The following TRPV4 variants were observed in gnomAD, a reference collection of about 807,000 sequenced individuals.
TRPV4 encodes OSM9-like transient receptor potential channel 4.
A neutral mutation model predicts 84.1 loss-of-function variants in TRPV4; 58 were observed. That is an observed-to-expected ratio of 0.69 (90% CI 0.56 to 0.86). TRPV4 has a LOEUF of 0.86. Ranked by LOEUF, TRPV4 falls within the 40% of genes least tolerant of loss-of-function variation. The pLI, the probability that TRPV4 is intolerant of heterozygous loss-of-function variation, is 0.00. For missense variants in TRPV4, 879 were observed against 1,181.1 expected (o/e 0.74, Z 3.75); for synonymous variants, 489 against 500.9 (o/e 0.98, Z 0.32).
At chr12:109,795,688 A>T (rs890591130) in intron 7 of TRPV4, among the ~76,000 whole-genome samples, 5 of 152,234 alleles carry the variant, frequency 3.3e-5, no homozygotes, top group African/African-American at 7.2e-5. Flanking sequence ...TTAAAAGTAC[A>T]GAACGACGTT....
chr12:109,785,084 C>A (rs1412004458), intron 14 of TRPV4, among the ~76,000 whole-genome samples: 1 of 152,074 alleles, frequency 6.6e-6, no homozygotes, highest in African/African-American at 2.4e-5. Context: ...TGCAGTGGCA[C>A]GATCACAGCT....
In TRPV4 at chr12:109,814,262, T is replaced by C. The variant is rs1365148504; in HGVS notation, c.386+149A>G. ...ATATATGGATAGGGAGATGAATAGA[T>C]GGATGGATAGATGTATGGATGGTTG... On this transcript the variant is annotated intron_variant, in intron 2 of 15. Transcript: ENST00000261740. The surrounding 1 kb of genome is among the most constrained non-coding windows in gnomAD (Gnocchi z 5.4). The C allele has an allele frequency of 3.3e-6, 3 of 917,428 alleles. No homozygotes were observed. The highest frequency in any genetic ancestry group is 1.6e-5 in the African/African-American group (1 of 60,848). 56.8% of individuals were successfully genotyped at this position (917,428 alleles called of 1,614,324 possible). A position where few individuals can be genotyped will look rare whatever the true frequency, so the allele number is the denominator to read the frequency against.
chr12:109,808,228 G>A (rs1475650835), intron 3 of TRPV4, 68 bp downstream of exon 3: 3 of 1,583,692 alleles, frequency 1.9e-6, no homozygotes, highest in African/African-American at 1.3e-5. Flanking sequence ...GGGAAAGGGG[G>A]CCCCCAATGC....
At chr12:109,826,659 A>AC (rs34693585) in intron 1 of TRPV4, among the ~76,000 whole-genome samples, 63 of 152,134 alleles carry the variant, frequency 4.1e-4, no homozygotes, top group Non-Finnish European at 8.4e-4. Flanking sequence ...TCTCCCTAGG[A>AC]CCCCCCTTCT....
At position 109,796,728 on chromosome 12, in the gene TRPV4, AG is replaced by A; in HGVS notation, c.1153-25del. ...ATCTGCACAGGGGGCCAGGAGGGTC[AG>A]GGGGCTCACACTGGAAAGACCCCCA... On this transcript the variant is annotated intron_variant, in intron 6 of 15. Transcript: ENST00000261740. This position sits in a 1 kb window ranked among gnomAD's most constrained non-coding sequence, Gnocchi z 4.2. The A allele has an allele frequency of 2.5e-6, 4 of 1,597,128 alleles. No individual in the cohort carries two copies. Among genetic ancestry groups the A allele is most frequent in the Admixed American group, 1.7e-5 (1 of 59,498 alleles).
chr12:109,816,194 G>A (rs1326343311), intron 1 of TRPV4, among the ~76,000 whole-genome samples: 1 of 152,212 alleles, frequency 6.6e-6, no homozygotes, highest in African/African-American at 2.4e-5. Flanking sequence ...CACAGCAAGA[G>A]GCCTCCCTTA....
chr12:109,788,839 C>G, intron 12 of TRPV4, 123 bp from the exon 13 acceptor site: 3 of 1,115,240 alleles, frequency 2.7e-6, no homozygotes, highest in South Asian at 1.4e-5. Flanking sequence ...CTGGCCCACA[C>G]GCTGACCCAT....
At chr12:109,819,413 G>A (rs1892003861) in intron 1 of TRPV4, among the ~76,000 whole-genome samples, 1 of 152,182 alleles carries the variant, frequency 6.6e-6, no homozygotes, top group Non-Finnish European at 1.5e-5. Context: ...TCCCGCACGG[G>A]CTCACAATGC....
Position 109,800,276 on chromosome 12 carries a change from T to C in TRPV4, c.853+342A>G, listed in dbSNP as rs1890689060. ...TAAATGTTTAAAAGAGACAGGGTAT[T>C]GCTATGTTGCCTAGGCTGGTCTCAA... On this transcript the variant is annotated intron_variant, in intron 5 of 15. Coordinates refer to ENST00000261740, the MANE Select transcript of TRPV4 (RefSeq NM_021625.5). Among the ~76,000 whole-genome samples, 4 of 152,200 alleles carry C rather than the reference T, an allele frequency of 2.6e-5. No homozygotes were observed. In the South Asian group the frequency reaches 8.3e-4, roughly 32 times the overall value.
chr12:109,794,552 C>A, intron 7 of TRPV4, 65 bp from the exon 8 acceptor site: 1 of 1,570,856 alleles, frequency 6.4e-7, no homozygotes, highest in Non-Finnish European at 8.7e-7. Flanking sequence ...GGCAGGCTGC[C>A]TCGGGTGTGC....
intron 5 of TRPV4, among the ~76,000 whole-genome samples, chr12:109,800,013 G>C (rs1250347706): frequency 1.4e-4 from 21 of 152,006 alleles, no homozygotes; most frequent in Admixed American, 1.4e-3. Context: ...GGAAATCTCG[G>C]CTCATTGCAA....
chr12:109,799,007 G>C, intron 5 of TRPV4, 95 bp from the exon 6 acceptor site: 1 of 1,233,236 alleles, frequency 8.1e-7, no homozygotes, highest in Non-Finnish European at 1.1e-6. Flanking sequence ...GTGGCGCTCT[G>C]AGGATAATGA....
At chr12:109,823,393 T>A (rs1892164512) in intron 1 of TRPV4, among the ~76,000 whole-genome samples, 1 of 152,142 alleles carries the variant, frequency 6.6e-6, no homozygotes. Context: ...CATTTGGTCA[T>A]TCTGCAAGCC....
Position 109,796,673 on chromosome 12 carries a change from G to T in TRPV4, c.1184C>A (p.Thr395Lys). 6.2e-7 allele frequency: 1 copy of T among 1,613,536 alleles called. No homozygotes were observed. The highest frequency in any genetic ancestry group is 1.6e-4 in the Middle Eastern group (1 of 6,062). ...GGACAGGTGCCGTGTGTCCTCATCC[G>T]TCACCTCCCGCCGGATGATGTGCTG... ...IFQHIIRREV[T>K]DEDTRHLSRK... Residue 395 changes from threonine to lysine, a missense_variant, in exon 7 of 16, where the codon ACG (threonine) becomes AAG (lysine). Physicochemically the swap from Thr to Lys is moderately conservative, Grantham distance 78. Transcript: ENST00000261740. The surrounding 1 kb of genome is among the most constrained non-coding windows in gnomAD (Gnocchi z 4.2).
In TRPV4 at chr12:109,815,020, C is replaced by T; in HGVS notation, c.-31-193G>A. On this transcript the variant is annotated intron_variant, in intron 1 of 15. Transcript: ENST00000261740. The surrounding 1 kb of genome is among the most constrained non-coding windows in gnomAD (Gnocchi z 4.1). Reference sequence around the variant, plus strand: ...CAGGCGGGAACTGCAACAGGAGCCTCTTTCACGAACCTGGAAACACAAATT... The same window carrying T: ...CAGGCGGGAACTGCAACAGGAGCCTTTTTCACGAACCTGGAAACACAAATT... 6.7e-6 allele frequency: 4 copies of T among 599,980 alleles called. No homozygotes were observed. In the East Asian group the frequency reaches 1.1e-4, roughly 17 times the overall value. 37.2% of individuals were successfully genotyped at this position (599,980 alleles called of 1,614,324 possible).
At chr12:109,799,086 GC>G (rs1890613141) in intron 5 of TRPV4, among the ~76,000 whole-genome samples, 174 bp from the exon 6 acceptor site, 2 of 152,128 alleles carry the variant, frequency 1.3e-5, no homozygotes, top group African/African-American at 4.8e-5. Context: ...ATGGGGTGTG[GC>G]TAGTTAAGGG....
chr12:109,807,263 T>A (rs111776885), intron 3 of TRPV4, among the ~76,000 whole-genome samples: 2 of 138,778 alleles, frequency 1.4e-5, no homozygotes, highest in African/African-American at 5.5e-5. Context: ...GCAACAAGAA[T>A]GAAACTCTGT....
At chr12:109,817,284 G>T (rs763903493) in intron 1 of TRPV4, among the ~76,000 whole-genome samples, 6 of 152,106 alleles carry the variant, frequency 3.9e-5, no homozygotes, top group Non-Finnish European at 5.9e-5. Context: ...CCTCACTGGG[G>T]GCCCTGAGGT....
rs544368168 is a variant in TRPV4, at chr12:109,807,638, C to G, written c.559+658G>C. On this transcript the variant is annotated intron_variant, in intron 3 of 15. Coordinates refer to ENST00000261740, the MANE Select transcript of TRPV4 (RefSeq NM_021625.5). ...CCAGAACCCAGCACATTGCAGGTGG[C>G]TGATTTGGGTGCAGGTGTTCACAGG... Among the ~76,000 whole-genome samples the G allele has an allele frequency of 3.9e-5, 6 of 152,282 alleles. No homozygotes were observed. The East Asian group carries it at 1.2e-3, about 29-fold the overall frequency.
Sources: allele counts gnomAD v4.1 joint callset (sites outside exome capture counted in the v4.1 genomes callset), GRCh38; gene constraint gnomAD v4.1.1; non-coding constraint Gnocchi (gnomAD v3.1); transcripts MANE v1.5; gene names NCBI Gene and HGNC (gene_info 2026-07-23, HGNC 2026-07-21).